The following PGAP1 variants were observed in gnomAD, a reference collection of about 807,000 sequenced individuals.
The protein encoded by PGAP1 is GPI inositol-deacylase.
Under a neutral mutation model 127.0 loss-of-function variants are expected in PGAP1, and 76 were observed. The ratio of observed to expected loss-of-function variants is 0.60; its 90% CI spans 0.50 to 0.72. PGAP1 has a LOEUF of 0.72. Among genes scored for constraint, PGAP1 ranks in the 30% least tolerant of loss-of-function variants. PGAP1 has a pLI of 0.00. For synonymous variants in PGAP1, 362 were observed against 366.5 expected (o/e 0.99, Z 0.14); for missense variants, 982 against 1,071.3 (o/e 0.92, Z 1.16).
At position 196,903,840 on chromosome 2, in the gene PGAP1, C is replaced by A. The variant is rs550364453; in HGVS notation, c.650-1098G>T. ...GTCAAAGATTAAATTGAGGCTAGGG[C>A]AGGGGATTTCTCAATTCTTTTTGTG... On this transcript the variant is annotated intron_variant, in intron 4 of 26. Transcript: ENST00000354764. Among the ~76,000 whole-genome samples, 18 of 152,226 alleles carry A rather than the reference C, an allele frequency of 1.2e-4. No individual in the cohort carries two copies. The South Asian group carries it at 3.1e-3, about 26-fold the overall frequency.
Position 196,837,165 on chromosome 2 carries a change from G to A in PGAP1, c.*4069C>T, listed in dbSNP as rs1483510519. On this transcript the variant is annotated 3_prime_UTR_variant, in exon 27 of 27. Transcript: ENST00000354764. The stretch of plus-strand genomic sequence containing the variant: ...TTATCTGGGGGTTCAGAAATCAACA[G>A]CCCTAGTTTAATTCATAGTTTTGTG... 6.6e-6 allele frequency: 1 copy of A among 152,136 alleles called. No individual in the cohort carries two copies. The highest frequency in any genetic ancestry group is 1.5e-5 in the Non-Finnish European group (1 of 68,018). The allele number at this position is 152,136 out of a possible 1,614,324, so 9.4% of individuals were successfully genotyped here.
chr2:196,852,220 T>C (rs759239448), intron 20 of PGAP1, among the ~76,000 whole-genome samples: 36 of 152,314 alleles, frequency 2.4e-4, no homozygotes, highest in Admixed American at 1.4e-3. Context: ...AGTATGTCTA[T>C]ATATGTTCAG....
intron 3 of PGAP1, among the ~76,000 whole-genome samples, chr2:196,914,890 C>T (rs1247694377): frequency 6.6e-6 from 1 of 151,336 alleles, no homozygotes. Context: ...TCATGGCTCA[C>T]TGCAGCCCCA....
chr2:196,916,896 G>T (rs1386915153), intron 2 of PGAP1, among the ~76,000 whole-genome samples: 2 of 152,130 alleles, frequency 1.3e-5, no homozygotes, highest in African/African-American at 2.4e-5. Context: ...AGGATTCTTT[G>T]AAGAATAAGA....
chr2:196,915,971 A>G (rs1429903116), intron 3 of PGAP1, among the ~76,000 whole-genome samples: 1 of 152,158 alleles, frequency 6.6e-6, no homozygotes, highest in Non-Finnish European at 1.5e-5. Flanking sequence ...GCAGAAATCC[A>G]GAGCAATCAT....
chr2:196,878,760 A>G (rs2125805461), intron 13 of PGAP1, among the ~76,000 whole-genome samples: 1 of 152,262 alleles, frequency 6.6e-6, no homozygotes, highest in Admixed American at 6.5e-5. Context: ...CTCCACTACT[A>G]TTCAAACCCA....
At chr2:196,871,038 TATTAA>T in intron 18 of PGAP1, 59 bp from the exon 19 acceptor site, 1 of 1,264,492 alleles carries the variant, frequency 7.9e-7, no homozygotes, top group South Asian at 1.2e-5. Flanking sequence ...CTTTACATTT[TATTAA>T]ATTGAGCACT....
chr2:196,917,821 T>C (rs1703065567), intron 2 of PGAP1, among the ~76,000 whole-genome samples: 1 of 152,158 alleles, frequency 6.6e-6, no homozygotes, highest in Non-Finnish European at 1.5e-5. Context: ...TTTGTGTGGG[T>C]ATATGTTTAT....
intron 3 of PGAP1, among the ~76,000 whole-genome samples, chr2:196,915,679 G>T (rs1382544440): frequency 6.6e-6 from 1 of 152,060 alleles, no homozygotes; most frequent in Non-Finnish European, 1.5e-5. Flanking sequence ...CACTTCAACT[G>T]CCACCACCTT....
At chr2:196,880,480 G>T (rs573006091) in intron 12 of PGAP1, among the ~76,000 whole-genome samples, 1 of 151,402 alleles carries the variant, frequency 6.6e-6, no homozygotes, top group African/African-American at 2.4e-5. Context: ...TTATAATTTG[G>T]TTATTTGTTA....
At chr2:196,892,206 A>C in intron 9 of PGAP1, 140 bp downstream of exon 9, 1 of 529,106 alleles carries the variant, frequency 1.9e-6, no homozygotes, top group Non-Finnish European at 3.3e-6. Flanking sequence ...TACTGACTAG[A>C]TACTTATTAA....
At chr2:196,924,515 T>A (rs1247853614) in intron 1 of PGAP1, among the ~76,000 whole-genome samples, 1 of 152,130 alleles carries the variant, frequency 6.6e-6, no homozygotes, top group Non-Finnish European at 1.5e-5. Flanking sequence ...CATGACCTGG[T>A]ATGCAAAACA....
At chr2:196,868,382 A>C (rs1340777884) in intron 19 of PGAP1, among the ~76,000 whole-genome samples, 1 of 151,908 alleles carries the variant, frequency 6.6e-6, no homozygotes, top group Admixed American at 6.6e-5. Flanking sequence ...TAAATGTTAT[A>C]CTGGGCTACA....
intron 12 of PGAP1, among the ~76,000 whole-genome samples, chr2:196,881,588 G>A (rs540366944): frequency 5.7e-4 from 87 of 152,250 alleles, no homozygotes; most frequent in African/African-American, 1.9e-3. Flanking sequence ...GTATCTCACC[G>A]TGGTTTTGAT....
At position 196,837,065 on chromosome 2, in the gene PGAP1, C is replaced by T. The variant is rs142688695; in HGVS notation, c.*4169G>A. The stretch of plus-strand genomic sequence containing the variant: ...AAATGCAGCACTGTAAAGTTTCACA[C>T]TGAACCTAATAATAATGCAAGACAT... On this transcript the variant is annotated 3_prime_UTR_variant, in exon 27 of 27. Transcript: ENST00000354764. 6.6e-6 allele frequency: 1 copy of T among 152,304 alleles called. No individual in the cohort carries two copies. The highest frequency in any genetic ancestry group is 1.9e-4 in the East Asian group (1 of 5,190). 9.4% of individuals were successfully genotyped at this position (152,304 alleles called of 1,614,324 possible).
intron 20 of PGAP1, among the ~76,000 whole-genome samples, chr2:196,852,277 C>G (rs866240441): frequency 6.6e-6 from 1 of 151,970 alleles, no homozygotes; most frequent in African/African-American, 2.4e-5. Flanking sequence ...GGCCAAAAAT[C>G]CCCTAAGAAA....
At chr2:196,915,534 T>C (rs908310008) in intron 3 of PGAP1, among the ~76,000 whole-genome samples, 2 of 152,208 alleles carry the variant, frequency 1.3e-5, no homozygotes, top group African/African-American at 4.8e-5. Context: ...GTTCAATCTT[T>C]CCAGTTGTTT....
chr2:196,847,944 T>C lies in PGAP1; in HGVS notation c.1952+3A>G. On this transcript the variant is annotated splice_donor_region_variant and intron_variant, in intron 21 of 26. Transcript: ENST00000354764. ...AATCATTATCACAGATAATAAAACT[T>C]ACCCCAACAGAAACTTAATGATAAT... is the stretch of plus-strand genomic sequence containing the variant. The C allele has an allele frequency of 6.4e-7, 1 of 1,554,456 alleles. No individual in the cohort carries two copies. The highest frequency in any genetic ancestry group is 8.7e-7 in the Non-Finnish European group (1 of 1,149,688).
chr2:196,865,573 A>C (rs1665930498), intron 19 of PGAP1, among the ~76,000 whole-genome samples: 1 of 152,180 alleles, frequency 6.6e-6, no homozygotes, highest in Non-Finnish European at 1.5e-5. Flanking sequence ...TATGTACCTT[A>C]TAGGTAGTTA....
Sources: allele counts gnomAD v4.1 joint callset (sites outside exome capture counted in the v4.1 genomes callset), GRCh38; gene constraint gnomAD v4.1.1; transcripts MANE v1.5; gene names NCBI Gene and HGNC (gene_info 2026-07-23, HGNC 2026-07-21).